Variants in ERICH1 observed in about 807,000 individuals in gnomAD.
ERICH1 encodes the protein glutamate rich 1.
A neutral mutation model predicts 39.6 loss-of-function variants in ERICH1; 56 were observed. The ratio of observed to expected loss-of-function variants is 1.41; its 90% CI spans 1.14 to 1.77. The LOEUF is 1.77. Among genes scored for constraint, ERICH1 ranks in the 40% most tolerant of loss-of-function variants. ERICH1 has a pLI of 0.00. For synonymous variants in ERICH1, 313 were observed against 223.6 expected (o/e 1.40, Z -3.57); for missense variants, 826 against 575.4 (o/e 1.44, Z -4.45).
At chr8:698,121 T>C (rs1056612993) in intron 2 of ERICH1, among the ~76,000 whole-genome samples, 12 of 152,148 alleles carry the variant, frequency 7.9e-5, no homozygotes, top group Non-Finnish European at 1.2e-4. Flanking sequence ...GGGTTGTGGA[T>C]CTGAGTCAAT....
At chr8:676,657 C>A (rs1012074292) in intron 3 of ERICH1, among the ~76,000 whole-genome samples, 1 of 152,214 alleles carries the variant, frequency 6.6e-6, no homozygotes, top group Admixed American at 6.5e-5. Flanking sequence ...GGCGCACACG[C>A]CCCGCCCCAC....
chr8:668,674 C>T lies in ERICH1; in HGVS notation c.1182G>A (p.Thr394=), dbSNP rs148345133. 221 of 1,614,014 alleles carry T rather than the reference C, an allele frequency of 1.4e-4. No individual in the cohort carries two copies. The highest frequency in any genetic ancestry group is 1.8e-4 in the Non-Finnish European group (214 of 1,180,048). The change falls in exon 5 of 6, where the codon ACG becomes ACA. Residue 394 remains threonine (T), a synonymous_variant. Transcript: ENST00000262109. ...TCTCAGTATCTTGCAGGAGCAGCAGCGTTTTCATGTGGTACAGGATGGACA... is the reference window on the plus strand; with the variant it reads ...TCTCAGTATCTTGCAGGAGCAGCAGTGTTTTCATGTGGTACAGGATGGACA... ...SDVSILYHMK[T]LLLLQDTERL...
intron 1 of ERICH1, among the ~76,000 whole-genome samples, chr8:728,121 C>T (rs907159789): frequency 1.3e-5 from 2 of 152,220 alleles, no homozygotes; most frequent in Non-Finnish European, 2.9e-5. Flanking sequence ...CAAGCTTTGC[C>T]TCCTCCGGAA....
intron 3 of ERICH1, among the ~76,000 whole-genome samples, chr8:638,397 C>A (rs764436678): frequency 2.0e-5 from 3 of 152,188 alleles, no homozygotes; most frequent in Non-Finnish European, 4.4e-5. Flanking sequence ...GCTTGAGATA[C>A]AGCTTCCGTT....
At chr8:661,571 T>C (rs6985070), downstream of ERICH1, among the ~76,000 whole-genome samples, 20,674 of 152,246 alleles carry the variant, frequency 0.14, 1,832 homozygotes, top group East Asian at 0.41. Flanking sequence ...ATAAATTACA[T>C]GAACTGAATA....
intron 1 of ERICH1, among the ~76,000 whole-genome samples, chr8:723,024 A>G (rs59135086): frequency 0.49 from 74,251 of 152,086 alleles, 18,284 homozygotes; most frequent in East Asian, 0.56. Flanking sequence ...AGGTGGGCCT[A>G]CTGGGAGGTG....
intron 3 of ERICH1, chr8:626,324 T>C (rs336431): frequency 0.34 from 51,805 of 151,984 alleles, 9,191 homozygotes; most frequent in Middle Eastern, 0.48. Context: ...CCTGGGAACT[T>C]ATGGCTTGAA....
intron 2 of ERICH1, among the ~76,000 whole-genome samples, chr8:712,365 G>C (rs1038401540): frequency 8.1e-6 from 1 of 123,872 alleles, no homozygotes; most frequent in Non-Finnish European, 1.8e-5. Flanking sequence ...GTACACATTT[G>C]TTAGATCTAC....
chr8:661,407 G>A (rs552001762), downstream of ERICH1, among the ~76,000 whole-genome samples: 3 of 152,076 alleles, frequency 2.0e-5, no homozygotes, highest in Non-Finnish European at 2.9e-5. Context: ...AGACACAGGC[G>A]GAGGTCCCAG....
chr8:653,376 C>T lies in ERICH1; in HGVS notation c.976+15222G>A, dbSNP rs142948599. Among the ~76,000 whole-genome samples the T allele has an allele frequency of 1.1e-3, 168 of 152,328 alleles. 1 individual carries two copies. In the Middle Eastern group the frequency reaches 0.014, roughly 12 times the overall value. The stretch of plus-strand genomic sequence containing the variant: ...AGGAGTCTGCGCCTGTAATAGTGGC[C>T]GAGTCTTGACCAATCCCAGCAGCCA... On this transcript the variant is annotated intron_variant, in intron 3 of 3. Coordinates refer to the ERICH1 transcript ENST00000522706.
chr8:669,977 G>A (rs961853664), intron 4 of ERICH1, among the ~76,000 whole-genome samples: 1 of 152,090 alleles, frequency 6.6e-6, no homozygotes, highest in Non-Finnish European at 1.5e-5. Context: ...TCCTGCCCCC[G>A]CTCCGTCCTC....
At chr8:695,930 C>T (rs1353965985) in intron 2 of ERICH1, among the ~76,000 whole-genome samples, 2 of 75,628 alleles carry the variant, frequency 2.6e-5, no homozygotes, top group African/African-American at 6.2e-5. Flanking sequence ...CCCTCCACTC[C>T]TCTCCTTCCT....
chr8:680,701 T>A (rs572494492), intron 3 of ERICH1, among the ~76,000 whole-genome samples: 8 of 152,136 alleles, frequency 5.3e-5, no homozygotes, highest in Non-Finnish European at 1.2e-4. Context: ...TGCCACCCCA[T>A]CAACAGGCAA....
In ERICH1 at chr8:717,291, C is replaced by T. The variant is rs114831330; in HGVS notation, c.23-1284G>A. On this transcript the variant is annotated intron_variant, in intron 1 of 5. Coordinates refer to ENST00000262109, the MANE Select transcript of ERICH1 (RefSeq NM_207332.3). The stretch of plus-strand genomic sequence containing the variant: ...CATACGCTATATTTTGAATATGATG[C>T]AGAAGTGCACTAGCACAGGATACCT... 5.0e-3 allele frequency among the ~76,000 whole-genome samples: 766 copies of T among 152,258 alleles called. 9 individuals carry two copies. The highest frequency in any genetic ancestry group is 0.017 in the African/African-American group (724 of 41,550).
At chr8:636,402 A>C (rs185176756) in intron 3 of ERICH1, among the ~76,000 whole-genome samples, 1 of 152,338 alleles carries the variant, frequency 6.6e-6, no homozygotes, top group East Asian at 1.9e-4. Flanking sequence ...ATGCCTTTTC[A>C]TCGTTCCTCC....
chr8:624,733 TTTTTA>T (rs977201208), intron 3 of ERICH1, among the ~76,000 whole-genome samples: 4 of 151,890 alleles, frequency 2.6e-5, no homozygotes, highest in Admixed American at 2.6e-4. Context: ...TTTATTTTTA[TTTTTA>T]TTTTGTTTGA....
chr8:717,881 C>T (rs1331843687), intron 1 of ERICH1, among the ~76,000 whole-genome samples: 4 of 152,320 alleles, frequency 2.6e-5, no homozygotes, highest in African/African-American at 2.4e-5. Flanking sequence ...GTCCCAGGGA[C>T]GGGGGCAGGC....
intron 3 of ERICH1, among the ~76,000 whole-genome samples, chr8:620,417 A>C (rs1797211063): frequency 6.6e-6 from 1 of 152,246 alleles, no homozygotes. Flanking sequence ...TGAACAAGTC[A>C]ATCAAAAGGC....
Position 726,436 on chromosome 8 carries a change from C to T in ERICH1, c.22+4704G>A, listed in dbSNP as rs188203691. 6.6e-3 allele frequency among the ~76,000 whole-genome samples: 1,000 copies of T among 151,916 alleles called. 34 individuals carry two copies. The East Asian group carries it at 0.069, about 11-fold the overall frequency. ...TGTACACCCATGCCACAGGCAGACACGTGTACACAGGCACACAACACACAG... is the reference window on the plus strand; with the variant it reads ...TGTACACCCATGCCACAGGCAGACATGTGTACACAGGCACACAACACACAG... On this transcript the variant is annotated intron_variant, in intron 1 of 5. Coordinates refer to ENST00000262109, the MANE Select transcript of ERICH1 (RefSeq NM_207332.3).
Sources: gnomAD v4.1 joint callset for allele counts (sites outside exome capture counted in the v4.1 genomes callset) on GRCh38, gnomAD v4.1.1 for gene constraint, MANE v1.5 for transcripts, NCBI Gene and HGNC (gene_info 2026-07-23, HGNC 2026-07-21) for gene names.